Variants in TJP1 observed in about 807,000 individuals in gnomAD.
TJP1 encodes the protein tight junction protein ZO-1.
In TJP1, 43 loss-of-function variants were observed where a neutral mutation model predicts 194.2. The ratio of observed to expected loss-of-function variants is 0.22; its 90% confidence interval spans 0.17 to 0.29. TJP1 has a LOEUF of 0.29. TJP1 is among the 10% of genes least tolerant of loss of function. The pLI, the probability that TJP1 is intolerant of heterozygous loss-of-function variation, is 1.00. For synonymous variants in TJP1, 801 were observed against 779.0 expected, an observed-to-expected ratio of 1.03 and a Z score of -0.47; for missense variants, 1,971 against 2,185.7, an observed-to-expected ratio of 0.90 and a Z score of 1.96.
At chr15:29,717,935 C>T in intron 22 of TJP1, 86 bp downstream of exon 22, 3 of 1,162,182 alleles carry the variant, frequency 2.6e-6, no homozygotes, top group Non-Finnish European at 3.7e-6. Context: ...CTCTCCTCTA[C>T]TAACACAGTA....
At chr15:29,961,596 T>C (rs987639402) in intron 1 of TJP1, among the ~76,000 whole-genome samples, 7 of 152,194 alleles carry the variant, frequency 4.6e-5, no homozygotes, top group Non-Finnish European at 8.8e-5. Context: ...CTTGTGGGCA[T>C]GGCTGATATG....
intron 1 of TJP1, among the ~76,000 whole-genome samples, chr15:29,965,680 GA>G (rs762823807): frequency 2.6e-5 from 4 of 152,282 alleles, no homozygotes; most frequent in Admixed American, 1.3e-4. Context: ...CGGTTGCTAT[GA>G]AACTAGCAAA....
intron 2 of TJP1, among the ~76,000 whole-genome samples, chr15:29,949,688 A>T (rs1447101902): frequency 1.1e-5 from 1 of 90,224 alleles, no homozygotes; most frequent in African/African-American, 3.8e-5. Flanking sequence ...CACCTTCACC[A>T]CCACCTCCAC....
rs566781644 is a variant in TJP1, at chr15:29,799,476, A to G, written c.84+1170T>C. Among the ~76,000 whole-genome samples the G allele has an allele frequency of 1.1e-3, 173 of 151,224 alleles. 1 individual carries two copies. The highest frequency in any genetic ancestry group is 4.1e-3 in the African/African-American group (168 of 41,134). ...GTCACCCAGGCTGGAGTGCAGTGGCATGATCTCGGCTCACTGCAAGCTCTG... is the reference window on the plus strand; with the variant it reads ...GTCACCCAGGCTGGAGTGCAGTGGCGTGATCTCGGCTCACTGCAAGCTCTG... On this transcript the variant is annotated intron_variant, in intron 2 of 27. Transcript: ENST00000614355.
chr15:29,957,300 T>A (rs1218086862), intron 1 of TJP1, among the ~76,000 whole-genome samples: 1 of 152,198 alleles, frequency 6.6e-6, no homozygotes, highest in East Asian at 1.9e-4. Context: ...CAGTTTAGAA[T>A]AAAAGTAATA....
At chr15:29,863,159 G>T (rs1279250930) in intron 2 of TJP1, among the ~76,000 whole-genome samples, 1 of 151,998 alleles carries the variant, frequency 6.6e-6, no homozygotes, top group East Asian at 2.0e-4. Flanking sequence ...AGCTGGGTGT[G>T]GTGGCAGGCA....
At position 29,708,854 on chromosome 15, in the gene TJP1, T is replaced by C. The variant is rs2042067168; in HGVS notation, c.4555A>G (p.Thr1519Ala). Residue 1519 changes from threonine (T) to alanine (A), a missense_variant, in exon 25 of 28, where the codon ACA becomes GCA. Around this residue, in one of 5 missense-constraint regions of TJP1, gnomAD observed 1,108 missense variants for 1,128.5 expected, o/e 0.98. Coordinates refer to ENST00000614355, the MANE Select transcript of TJP1 (RefSeq NM_001330239.4). ...AATCGATTGTATGCTGGAGTGACTG[T>C]TTTCTGAGTCTGTTCAGTTCCATTA... ...PVNGTEQTQKTVTPAYNRFTP... is the reference protein window; with the variant it reads ...PVNGTEQTQKAVTPAYNRFTP... The C allele has an allele frequency of 3.1e-6, 5 of 1,614,150 alleles. No individual in the cohort carries two copies. The highest frequency in any genetic ancestry group is 4.2e-6 in the Non-Finnish European group (5 of 1,180,020).
At chr15:29,728,517 T>C (rs2043388027) in intron 15 of TJP1, 1 of 154,002 alleles carries the variant, frequency 6.5e-6, no homozygotes, top group Admixed American at 6.4e-5. Context: ...GTTAGAGACC[T>C]TAGTTACATC....
rs1487215949 is a variant in TJP1, at chr15:29,732,678, G to A, written c.1874C>T (p.Pro625Leu). ...RKSREDLSAQ[P>L]VQTKFPAYER... is the part of the protein sequence containing the mutation. ...ATAAGCTGGAAACTTTGTTTGAACA[G>A]GCTGAGCGGACAAATCCTCTCTGCT... The change falls in exon 14 of 28, where the codon CCT becomes CTT. Residue 625 changes from proline (P) to leucine (L), a missense_variant. Around this residue, in one of 5 missense-constraint regions of TJP1, gnomAD observed 402 missense variants for 484.2 expected, o/e 0.83. Coordinates refer to ENST00000614355, the MANE Select transcript of TJP1 (RefSeq NM_001330239.4). 2 of 1,614,126 alleles carry A rather than the reference G, an allele frequency of 1.2e-6. No individual in the cohort carries two copies. Among genetic ancestry groups the A allele is most frequent in the Non-Finnish European group, 1.7e-6 (2 of 1,180,026 alleles).
chr15:29,777,052 C>G (rs1276050622), intron 2 of TJP1, among the ~76,000 whole-genome samples: 1 of 152,042 alleles, frequency 6.6e-6, no homozygotes, highest in Non-Finnish European at 1.5e-5. Flanking sequence ...TACACGGCTG[C>G]AATTCAAATA....
At chr15:29,904,914 C>A (rs1158876585) in intron 2 of TJP1, among the ~76,000 whole-genome samples, 1 of 152,142 alleles carries the variant, frequency 6.6e-6, no homozygotes, top group Non-Finnish European at 1.5e-5. Flanking sequence ...AGCGATGCAG[C>A]TACAAGCCAA....
At chr15:29,716,494 C>CT (rs2042570338) in intron 23 of TJP1, 117 bp downstream of exon 23, 1 of 753,734 alleles carries the variant, frequency 1.3e-6, no homozygotes, top group South Asian at 2.0e-5. Flanking sequence ...AATGCTGAAC[C>CT]ACTAGAGCCT....
Position 29,833,857 on chromosome 15 carries a change from G to GTATATATATATA in TJP1, c.307-33167_307-33156dup, listed in dbSNP as rs71416436. Among the ~76,000 whole-genome samples the GTATATATATATA allele has an allele frequency of 9.7e-3, 248 of 25,610 alleles. 13 individuals are homozygous for GTATATATATATA. Among genetic ancestry groups the GTATATATATATA allele is most frequent in the Non-Finnish European group, 0.011 (152 of 13,852 alleles). 16.8% of individuals were successfully genotyped at this position (25,610 alleles called of 152,430 possible). ...TAAAGATGCAATATAATTTTTGTAA[G>GTATATATATATA]TATATATATATATATATATATATAT... On this transcript the variant is annotated intron_variant, in intron 2 of 28. Transcript: ENST00000356107.
At chr15:29,923,045 A>G (rs776879897) in intron 2 of TJP1, among the ~76,000 whole-genome samples, 68 of 152,320 alleles carry the variant, frequency 4.5e-4, no homozygotes, top group Non-Finnish European at 8.2e-4. Context: ...CCACAGATTA[A>G]GAAGACTGAC....
chr15:29,954,229 CTATT>C (rs1434909297), intron 2 of TJP1, among the ~76,000 whole-genome samples: 11 of 152,094 alleles, frequency 7.2e-5, no homozygotes, highest in Non-Finnish European at 1.6e-4. Context: ...AAACATGGCT[CTATT>C]TGTCATTTCT....
In TJP1 at chr15:29,961,344, T is replaced by TC. The variant is rs1470878881; in HGVS notation, c.174-4981_174-4980insG. 5.3e-3 allele frequency among the ~76,000 whole-genome samples: 750 copies of TC among 140,300 alleles called. 13 individuals are homozygous for TC. Among genetic ancestry groups the TC allele is most frequent in the African/African-American group, 0.018 (689 of 37,908 alleles). 92.0% of individuals were successfully genotyped at this position (140,300 alleles called of 152,430 possible). A position where few individuals can be genotyped will look rare whatever the true frequency, so the allele number is the denominator to read the frequency against. ...TTACTTTTCCTAATTCTTTTTTTTT[T>TC]TTTTTTTTTTTTTTTGAGACGGAGT... On this transcript the variant is annotated intron_variant, in intron 1 of 28. Coordinates refer to the TJP1 transcript ENST00000356107.
intron 2 of TJP1, among the ~76,000 whole-genome samples, chr15:29,907,150 C>T (rs1396916289): frequency 6.6e-6 from 1 of 151,990 alleles, no homozygotes; most frequent in African/African-American, 2.4e-5. Context: ...TGGCTCATGC[C>T]TGTAATCCCA....
intron 2 of TJP1, among the ~76,000 whole-genome samples, chr15:29,931,028 C>G (rs2054692899): frequency 6.6e-6 from 1 of 152,134 alleles, no homozygotes; most frequent in Non-Finnish European, 1.5e-5. Context: ...AACTTAACTA[C>G]TAATAGCCTC....
intron 2 of TJP1, among the ~76,000 whole-genome samples, chr15:29,900,406 G>C (rs1006025054): frequency 6.6e-6 from 1 of 152,164 alleles, no homozygotes; most frequent in Non-Finnish European, 1.5e-5. Context: ...GGTGCAGTGG[G>C]AACAGGCTGC....
Sources: gnomAD v4.1 joint callset for allele counts (sites outside exome capture counted in the v4.1 genomes callset) on GRCh38, gnomAD v4.1.1 for gene constraint, gnomAD v4.1.1 regional missense constraint, MANE v1.5 for transcripts, NCBI Gene and HGNC (gene_info 2026-07-23, HGNC 2026-07-21) for gene names.